Variants in GOLPH3 observed in about 807,000 individuals in gnomAD.
GOLPH3 encodes the protein golgi phosphoprotein 3.
Under a neutral mutation model 28.5 loss-of-function variants are expected in GOLPH3, and 14 were observed. The observed-to-expected ratio is 0.49, with a 90% CI of 0.32 to 0.77. The LOEUF is 0.77. GOLPH3 is among the 30% of genes least tolerant of loss of function. The probability of loss-of-function intolerance (pLI) is 0.03; values close to 1 mark genes in which losing one functional copy is unlikely to be tolerated. For missense variants in GOLPH3, 350 were observed against 393.7 expected (o/e 0.89, Z 0.94); for synonymous variants, 158 against 159.2 (o/e 0.99, Z 0.06).
At chr5:32,173,224 T>C (rs1433488381) in intron 1 of GOLPH3, among the ~76,000 whole-genome samples, 1 of 148,814 alleles carries the variant, frequency 6.7e-6, no homozygotes, top group Non-Finnish European at 1.5e-5. Flanking sequence ...AGAAAGTCAT[T>C]TACCAGGAGG....
At chr5:32,162,794 C>A (rs1746616079) in intron 1 of GOLPH3, among the ~76,000 whole-genome samples, 1 of 151,944 alleles carries the variant, frequency 6.6e-6, no homozygotes, top group Non-Finnish European at 1.5e-5. Flanking sequence ...AAAGTAGGCC[C>A]ATGGCCGGGC....
intron 1 of GOLPH3, among the ~76,000 whole-genome samples, chr5:32,172,931 G>C (rs922913580): frequency 6.6e-6 from 1 of 152,324 alleles, no homozygotes; most frequent in African/African-American, 2.4e-5. Flanking sequence ...AATCTAGAAA[G>C]AGTATATATG....
chr5:32,129,288 G>C (rs539465217), intron 3 of GOLPH3, among the ~76,000 whole-genome samples: 1 of 152,150 alleles, frequency 6.6e-6, no homozygotes, highest in African/African-American at 2.4e-5. Context: ...TAAAGTGAAA[G>C]TAACAAATTT....
rs1169310856 is a variant in GOLPH3 at position 32,125,521 on chromosome 5, C to A, written c.*691G>T. Reference sequence around the variant, plus strand: ...AATACTAAGATGGGAGCAGGGGTGGCCAGAAGAAGGGGTAATTTATATATA... The same window carrying A: ...AATACTAAGATGGGAGCAGGGGTGGACAGAAGAAGGGGTAATTTATATATA... On this transcript the variant is annotated 3_prime_UTR_variant, in exon 4 of 4. Coordinates refer to ENST00000265070, the MANE Select transcript of GOLPH3 (RefSeq NM_022130.4). The A allele has an allele frequency of 6.6e-6, 1 of 152,488 alleles. No homozygotes were observed. The highest frequency in any genetic ancestry group is 1.5e-5 in the Non-Finnish European group (1 of 68,026). 9.4% of individuals were successfully genotyped at this position (152,488 alleles called of 1,614,324 possible).
At chr5:32,164,746 GC>G (rs1390126102) in intron 1 of GOLPH3, among the ~76,000 whole-genome samples, 1 of 151,688 alleles carries the variant, frequency 6.6e-6, no homozygotes, top group Non-Finnish European at 1.5e-5. Context: ...CACTCCCTTG[GC>G]AATGACATTA....
rs557161257 is a variant in GOLPH3, at chr5:32,163,027, A to G, written c.225+10783T>C. Among the ~76,000 whole-genome samples, 176 of 152,230 alleles carry G rather than the reference A, an allele frequency of 1.2e-3. 1 individual carries two copies. Among genetic ancestry groups the G allele is most frequent in the Non-Finnish European group, 1.9e-3 (132 of 67,998 alleles). On this transcript the variant is annotated intron_variant, in intron 1 of 3. Coordinates refer to ENST00000265070, the MANE Select transcript of GOLPH3 (RefSeq NM_022130.4). Reference sequence around the variant, plus strand: ...CGGGAGGCAGAGCTTGCAGTGAGCCAAGATTGCACCACTGCACTCCAGCCT... The same window carrying G: ...CGGGAGGCAGAGCTTGCAGTGAGCCGAGATTGCACCACTGCACTCCAGCCT...
chr5:32,166,450 T>C (rs1746711333), intron 1 of GOLPH3, among the ~76,000 whole-genome samples: 2 of 152,164 alleles, frequency 1.3e-5, no homozygotes, highest in Non-Finnish European at 1.5e-5. Flanking sequence ...AAGAGAAACC[T>C]GAAGCCAAAA....
At chr5:32,155,555 C>T (rs1746400449) in intron 1 of GOLPH3, among the ~76,000 whole-genome samples, 1 of 152,122 alleles carries the variant, frequency 6.6e-6, no homozygotes, top group African/African-American at 2.4e-5. Context: ...GCCAAAAACT[C>T]CCCTTAAGCA....
intron 1 of GOLPH3, among the ~76,000 whole-genome samples, chr5:32,153,093 C>G (rs963520933): frequency 3.3e-5 from 5 of 152,094 alleles, no homozygotes; most frequent in African/African-American, 1.2e-4. Context: ...CAATAAGGGA[C>G]TGGATGAATA....
At chr5:32,139,656 C>G (rs978980178) in intron 2 of GOLPH3, among the ~76,000 whole-genome samples, 1 of 152,204 alleles carries the variant, frequency 6.6e-6, no homozygotes, top group Non-Finnish European at 1.5e-5. Flanking sequence ...TAAATATGTT[C>G]TATCCAAACA....
intron 1 of GOLPH3, among the ~76,000 whole-genome samples, chr5:32,164,690 C>T (rs980225515): frequency 5.3e-5 from 8 of 151,994 alleles, no homozygotes; most frequent in African/African-American, 1.7e-4. Flanking sequence ...CTACCGCGCC[C>T]GGCCAAGAGT....
chr5:32,157,069 G>A (rs1746447698), intron 1 of GOLPH3, among the ~76,000 whole-genome samples: 1 of 152,176 alleles, frequency 6.6e-6, no homozygotes, highest in South Asian at 2.1e-4. Flanking sequence ...AACACAGAAT[G>A]TATTTTTTCA....
At chr5:32,158,010 TAAATAAATAAAATACACACACACACACAC>T (rs1561678475) in intron 1 of GOLPH3, among the ~76,000 whole-genome samples, 1 of 75,616 alleles carries the variant, frequency 1.3e-5, no homozygotes, top group African/African-American at 6.3e-5. Flanking sequence ...AATAAATAAA[TAAATAAATAAAATACACACACACACACAC>T]ACACACACAC....
intron 1 of GOLPH3, among the ~76,000 whole-genome samples, chr5:32,162,473 C>T (rs1404421189): frequency 2.7e-5 from 4 of 147,632 alleles, no homozygotes; most frequent in Non-Finnish European, 5.9e-5. Flanking sequence ...GCCTAGGCAA[C>T]AGAGCAAGAC....
intron 3 of GOLPH3, among the ~76,000 whole-genome samples, chr5:32,128,516 G>A (rs764387289): frequency 7.2e-5 from 11 of 151,922 alleles, no homozygotes; most frequent in Non-Finnish European, 1.6e-4. Context: ...AAAATTAGCC[G>A]GGCATCGTGG....
chr5:32,171,861 T>A (rs1322198286), intron 1 of GOLPH3, among the ~76,000 whole-genome samples: 2 of 151,664 alleles, frequency 1.3e-5, no homozygotes, highest in African/African-American at 4.8e-5. Context: ...GGCAGGAGAA[T>A]CGCTTGAACC....
In GOLPH3 at chr5:32,173,875, C is replaced by A. The variant is rs1403696684; in HGVS notation, c.160G>T (p.Asp54Tyr). The A allele has an allele frequency of 2.6e-6, 4 of 1,527,224 alleles. No homozygotes were observed. In the Admixed American group the frequency reaches 7.9e-5, roughly 30 times the overall value. 94.6% of individuals were successfully genotyped at this position (1,527,224 alleles called of 1,614,324 possible). ...AGGGTCAGCCGCGTTTCCTTGGAGTCGCCCTTGTCGTCGTCGTCCTGCTCG... is the reference window on the plus strand; with the variant it reads ...AGGGTCAGCCGCGTTTCCTTGGAGTAGCCCTTGTCGTCGTCGTCCTGCTCG... ...RDEQDDDDKG[D>Y]SKETRLTLME... Residue 54 changes from aspartate (D) to tyrosine (Y), a missense_variant, in exon 1 of 4, where the codon GAC becomes TAC. Transcript: ENST00000265070.
intron 1 of GOLPH3, among the ~76,000 whole-genome samples, chr5:32,161,066 C>CAAAAAA (rs34874287): frequency 3.3e-5 from 2 of 60,054 alleles, no homozygotes; most frequent in Non-Finnish European, 5.4e-5. Context: ...GACTCCGTCT[C>CAAAAAA]AAAAAAAAAA....
chr5:32,147,310 C>T (rs950502747), intron 1 of GOLPH3, among the ~76,000 whole-genome samples: 3 of 152,120 alleles, frequency 2.0e-5, no homozygotes, highest in African/African-American at 7.2e-5. Context: ...TTTTAACAGC[C>T]TACAGAATAT....
Sources: allele counts gnomAD v4.1 joint callset (sites outside exome capture counted in the v4.1 genomes callset), GRCh38; gene constraint gnomAD v4.1.1; transcripts MANE v1.5; gene names NCBI Gene and HGNC (gene_info 2026-07-23, HGNC 2026-07-21).